The following NHSL1 variants were observed in gnomAD, a reference collection of about 807,000 sequenced individuals.
NHSL1 encodes NHS like 1.
A neutral mutation model predicts 95.0 loss-of-function variants in NHSL1; 48 were observed. The ratio of observed to expected loss-of-function variants is 0.51; its 90% CI spans 0.40 to 0.64. The LOEUF (loss-of-function observed/expected upper bound fraction) is 0.64, where lower values mean the gene tolerates loss of function less well. NHSL1 is among the 30% of genes least tolerant of loss of function. The pLI is 0.00. For synonymous variants in NHSL1, 783 were observed against 833.9 expected (o/e 0.94, Z 1.05); for missense variants, 1,971 against 2,077.7 (o/e 0.95, Z 1.00).
At chr6:138,679,726 A>C (rs1785489454) in intron 1 of NHSL1, among the ~76,000 whole-genome samples, 2 of 152,154 alleles carry the variant, frequency 1.3e-5, no homozygotes, top group Non-Finnish European at 2.9e-5. Flanking sequence ...GATCCAAAAC[A>C]GATTGTCAGA....
chr6:138,648,951 G>A (rs1785053804), intron 1 of NHSL1, among the ~76,000 whole-genome samples: 1 of 152,172 alleles, frequency 6.6e-6, no homozygotes, highest in African/African-American at 2.4e-5. Flanking sequence ...GTATAAAAAT[G>A]TAGTCCTTCA....
At chr6:138,429,011 A>G (rs1450122567) in intron 7 of NHSL1, among the ~76,000 whole-genome samples, 2 of 152,238 alleles carry the variant, frequency 1.3e-5, no homozygotes, top group African/African-American at 4.8e-5. Flanking sequence ...AAAGTGATGC[A>G]GTAAGTAAAA....
intron 1 of NHSL1, among the ~76,000 whole-genome samples, chr6:138,659,456 G>C (rs952925694): frequency 6.6e-6 from 1 of 152,100 alleles, no homozygotes; most frequent in African/African-American, 2.4e-5. Flanking sequence ...CTGTGAAGGA[G>C]AATTAATATT....
chr6:138,505,012 G>A (rs747977334), intron 1 of NHSL1, among the ~76,000 whole-genome samples: 9 of 152,072 alleles, frequency 5.9e-5, no homozygotes, highest in Non-Finnish European at 8.8e-5. Context: ...TGATCTTAAA[G>A]TACACCCTCA....
At chr6:138,436,504 C>T (rs1776111450) in intron 5 of NHSL1, among the ~76,000 whole-genome samples, 1 of 152,188 alleles carries the variant, frequency 6.6e-6, no homozygotes, top group Non-Finnish European at 1.5e-5. Flanking sequence ...GAGGTTGTTT[C>T]ATGAGGTTGA....
Position 138,692,395 on chromosome 6 carries a change from G to A in NHSL1, c.96+81C>T, listed in dbSNP as rs1381587200. ...GCTCCGCGGCCCCCGCGCCGACCCA[G>A]GGCCGCCAGGGGGCGGGCGGGAGCA... On this transcript the variant is annotated intron_variant, in intron 1 of 3. Coordinates refer to the NHSL1 transcript ENST00000491526. The surrounding 1 kb of genome is among the most constrained non-coding windows in gnomAD (Gnocchi z 4.0). The A allele has an allele frequency of 3.5e-6, 1 of 282,956 alleles. No homozygotes were observed. The highest frequency in any genetic ancestry group is 2.3e-5 in the African/African-American group (1 of 43,718). 17.5% of individuals were successfully genotyped at this position (282,956 alleles called of 1,614,324 possible).
intron 1 of NHSL1, chr6:138,691,943 A>G: frequency 2.2e-6 from 1 of 456,718 alleles, no homozygotes; most frequent in Non-Finnish European, 4.4e-6. Flanking sequence ...AAGTCTGCAT[A>G]GTTTTGCTTG....
Position 138,431,535 on chromosome 6 carries a change from G to T in NHSL1, c.2810C>A (p.Ser937Tyr). 1 of 1,551,090 alleles carries T rather than the reference G, an allele frequency of 6.4e-7. No homozygotes were observed. ...PPAPPPPPVPSPPFPCPADRS... is the reference protein window; with the variant it reads ...PPAPPPPPVPYPPFPCPADRS... The stretch of plus-strand genomic sequence containing the variant: ...GTCTGCAGGACAAGGGAATGGAGGA[G>T]AGGGAACAGGAGGAGGAGGAGGAGC... The change falls in exon 6 of 8, where the codon TCT (serine) becomes TAT (tyrosine). Residue 937 changes from serine (S) to tyrosine (Y), a missense_variant. This residue lies in a region of NHSL1 where 1,602 missense variants were observed against 1,654.5 expected (regional missense o/e 0.97). Transcript: ENST00000343505. This position sits in a 1 kb window ranked among gnomAD's most constrained non-coding sequence, Gnocchi z 4.0.
chr6:138,448,549 T>C (rs76851437), intron 3 of NHSL1, among the ~76,000 whole-genome samples: 10,807 of 152,228 alleles, frequency 0.071, 831 homozygotes, highest in East Asian at 0.36. Flanking sequence ...AAGTGCTATG[T>C]CAACTTCTAA....
chr6:138,519,175 A>G (rs1422086408), intron 1 of NHSL1, among the ~76,000 whole-genome samples: 1 of 147,624 alleles, frequency 6.8e-6, no homozygotes, highest in Non-Finnish European at 1.5e-5. Context: ...AATGACACAG[A>G]AAAAAAAAAG....
At chr6:138,519,393 ACTT>A (rs1171752603) in intron 1 of NHSL1, among the ~76,000 whole-genome samples, 5 of 152,364 alleles carry the variant, frequency 3.3e-5, no homozygotes, top group Middle Eastern at 6.8e-3. Context: ...AAAAATATTT[ACTT>A]CTTCATAAAC....
chr6:138,448,533 G>A (rs547042035), intron 3 of NHSL1, among the ~76,000 whole-genome samples: 15 of 152,206 alleles, frequency 9.9e-5, no homozygotes, highest in African/African-American at 2.4e-4. Context: ...ACCCCCAAAC[G>A]AGGGTAAGTG....
chr6:138,466,288 G>A (rs1279827753), intron 3 of NHSL1, among the ~76,000 whole-genome samples: 3 of 149,410 alleles, frequency 2.0e-5, no homozygotes, highest in Non-Finnish European at 4.5e-5. Flanking sequence ...TGATCCACCC[G>A]CCTCAGCCTC....
chr6:138,644,555 T>C (rs1378818007), intron 1 of NHSL1, among the ~76,000 whole-genome samples: 1 of 152,192 alleles, frequency 6.6e-6, no homozygotes, highest in Non-Finnish European at 1.5e-5. Context: ...GAAAAAGTCA[T>C]CTGTATTGAA....
chr6:138,565,929 C>G (rs1216479756), intron 1 of NHSL1, among the ~76,000 whole-genome samples: 1 of 144,492 alleles, frequency 6.9e-6, no homozygotes, highest in Admixed American at 6.8e-5. Context: ...GGCAACAAAG[C>G]AAGACCCTGT....
At chr6:138,526,548 T>C (rs1190484357) in intron 1 of NHSL1, among the ~76,000 whole-genome samples, 1 of 152,180 alleles carries the variant, frequency 6.6e-6, no homozygotes, top group Non-Finnish European at 1.5e-5. Flanking sequence ...ATATTGTACT[T>C]GCCACTTCCC....
At chr6:138,657,810 A>G (rs1280830597) in intron 1 of NHSL1, among the ~76,000 whole-genome samples, 14 of 128,336 alleles carry the variant, frequency 1.1e-4, no homozygotes, top group Non-Finnish European at 6.5e-5. Flanking sequence ...GCGAGACTCC[A>G]TCTCAAAAAA....
intron 1 of NHSL1, among the ~76,000 whole-genome samples, chr6:138,619,023 A>T (rs1451345277): frequency 6.6e-6 from 1 of 152,138 alleles, no homozygotes; most frequent in Non-Finnish European, 1.5e-5. Context: ...AAAGAGGAGG[A>T]CACAGGTAAC....
rs1459689273 is a variant in NHSL1 at position 138,626,842 on chromosome 6, C to T, written c.96+65634G>A. 5.6e-5 allele frequency among the ~76,000 whole-genome samples: 6 copies of T among 107,368 alleles called. 1 individual carries two copies. The highest frequency in any genetic ancestry group is 3.5e-4 in the South Asian group (1 of 2,864). The allele number at this position is 107,368 out of a possible 152,430, so 70.4% of individuals were successfully genotyped here. ...CCGGGAGGCGGAGCTTGCAGTGAGCCGAGATCCCGCCACTGCACTCCAGCC... is the reference window on the plus strand; with the variant it reads ...CCGGGAGGCGGAGCTTGCAGTGAGCTGAGATCCCGCCACTGCACTCCAGCC... On this transcript the variant is annotated intron_variant, in intron 1 of 3. Transcript: ENST00000491526.
Sources: allele counts gnomAD v4.1 joint callset (sites outside exome capture counted in the v4.1 genomes callset), GRCh38; gene constraint gnomAD v4.1.1; regional missense constraint gnomAD v4.1.1; non-coding constraint Gnocchi (gnomAD v3.1); transcripts MANE v1.5; gene names NCBI Gene and HGNC (gene_info 2026-07-23, HGNC 2026-07-21).